NDUFB11: variants seen among roughly 807,000 people sequenced by gnomAD.
NDUFB11 encodes NADH:ubiquinone oxidoreductase subunit B11, also known as NADH dehydrogenase [ubiquinone] 1 beta subcomplex subunit 11, mitochondrial.
For synonymous variants in NDUFB11, 51 were observed against 57.4 expected (o/e 0.89, Z 0.51); for missense variants, 108 against 133.8 (o/e 0.81, Z 0.95).
At chrX:47,145,103 AG>A (rs1468207261), upstream of NDUFB11, 2 of 331,476 alleles carry the variant, frequency 6.0e-6, no homozygotes, top group Non-Finnish European at 1.1e-5. Flanking sequence ...TTTCTCCACT[AG>A]GGGAGCGTTC....
chrX:47,145,230 A>G (rs1556761488), upstream of NDUFB11: 2 of 456,405 alleles, frequency 4.4e-6, no homozygotes, highest in East Asian at 7.5e-5. Flanking sequence ...TAGTAGGTGG[A>G]TGGTGGTCGG....
At chrX:47,145,357 C>G (rs782231263), upstream of NDUFB11, 1 of 982,183 alleles carries the variant, frequency 1.0e-6, no homozygotes, top group South Asian at 2.0e-5. Flanking sequence ...CCCCTCCCCC[C>G]GATCTGCCTC....
chrX:47,144,911 G>T (rs782567288), upstream of NDUFB11: 2 of 360,091 alleles, frequency 5.6e-6, no homozygotes, highest in Non-Finnish European at 9.7e-6. Flanking sequence ...TTATTGATGG[G>T]TCTGCTCATT....
At position 47,142,611 on chromosome X, in the gene NDUFB11, C is replaced by T. The variant is rs782735557; in HGVS notation, c.338+3G>A. ...ATCCCACGCTCTTGGACACCCTGTG[C>T]ACCTGTAGTCAGGCAGATAGGCCAC... On this transcript the variant is annotated splice_donor_region_variant and intron_variant, in intron 2 of 2. Transcript: ENST00000377811. 3 of 1,210,101 alleles carry T rather than the reference C, an allele frequency of 2.5e-6. No individual in the cohort carries two copies. In the East Asian group the frequency reaches 8.9e-5, roughly 36 times the overall value.
chrX:47,144,438 T>TGCCCCCTGCCCCCCCC, intron 1 of NDUFB11, 35 bp downstream of exon 1: 1 of 405,713 alleles, frequency 2.5e-6, no homozygotes, highest in Admixed American at 7.5e-5. Context: ...CGGGGTTCCG[T>TGCCCCCTGCCCCCCCC]CCCCACTACC....
At chrX:47,144,789 G>T, upstream of NDUFB11, 1 of 728,148 alleles carries the variant, frequency 1.4e-6, no homozygotes, top group Non-Finnish European at 1.9e-6. Context: ...CGCTATATAG[G>T]TCCCAGATCT....
upstream of NDUFB11, chrX:47,145,222 G>A (rs1932000890): frequency 2.2e-6 from 1 of 448,825 alleles, no homozygotes; most frequent in African/African-American, 2.4e-5. Context: ...CGCTTCCTTA[G>A]TAGGTGGATG....
rs144343841 is a variant in NDUFB11 at position 47,142,711 on chromosome X, C to T, written c.241G>A (p.Val81Ile). ...AGTCGCATGTTCCAGACGTCCAAAACGGGGTCCTTGTCATAACCATGGGAG... is the reference window on the plus strand; with the variant it reads ...AGTCGCATGTTCCAGACGTCCAAAATGGGGTCCTTGTCATAACCATGGGAG... ...PDSHGYDKDP[V>I]LDVWNMRLVF... The change falls in exon 2 of 3, where the codon GTT becomes ATT. Residue 81 changes from valine to isoleucine, a missense_variant. Transcript: ENST00000377811. 20 of 1,210,048 alleles carry T rather than the reference C, an allele frequency of 1.7e-5. No homozygotes were observed. The African/African-American group carries it at 1.7e-4, about 11-fold the overall frequency.
At chrX:47,142,778 G>A (rs782782787) in intron 1 of NDUFB11, 34 bp from the exon 2 acceptor site, 1 of 1,190,004 alleles carries the variant, frequency 8.4e-7, no homozygotes, top group African/African-American at 1.7e-5. Flanking sequence ...AGGGCTTCCT[G>A]CTGCTCCACA....
rs200655969 is a variant in NDUFB11 at position 47,142,287 on chromosome X, G to A, written c.*30C>T. ...ATGGCAGGCAGGGGGTGGGGAAGGC[G>A]GTGCTTCTTGAGCCCCACTTAGCAA... On this transcript the variant is annotated 3_prime_UTR_variant, in exon 3 of 3. Transcript: ENST00000377811. The A allele has an allele frequency of 4.4e-5, 52 of 1,195,279 alleles. No individual in the cohort carries two copies. Among genetic ancestry groups the A allele is most frequent in the Middle Eastern group, 2.5e-4 (1 of 4,011 alleles).
upstream of NDUFB11, chrX:47,145,336 T>C: frequency 1.2e-6 from 1 of 854,358 alleles, no homozygotes; most frequent in Non-Finnish European, 1.7e-6. Flanking sequence ...GGCAGCGCGC[T>C]TGGCGCTTCT....
chrX:47,144,891 G>A (rs1268084445), upstream of NDUFB11: 3 of 378,396 alleles, frequency 7.9e-6, no homozygotes, highest in East Asian at 8.4e-5. Flanking sequence ...CGGCCAGGCT[G>A]AGAAATTTCT....
chrX:47,145,425 G>A, upstream of NDUFB11: 1 of 1,153,874 alleles, frequency 8.7e-7, no homozygotes, highest in Non-Finnish European at 1.1e-6. Context: ...AGAGTTGGAG[G>A]AGGTGGCGGC....
At chrX:47,145,466 T>A, upstream of NDUFB11, 8 of 1,151,643 alleles carry the variant, frequency 6.9e-6, no homozygotes, top group Non-Finnish European at 9.2e-6. Flanking sequence ...AGCCCTTCCT[T>A]GACAGCCCGG....
chrX:47,142,287 G>T lies in NDUFB11; in HGVS notation c.*30C>A. 8.4e-7 allele frequency: 1 copy of T among 1,197,258 alleles called. No individual in the cohort carries two copies. On this transcript the variant is annotated 3_prime_UTR_variant, in exon 3 of 3. Coordinates refer to ENST00000377811, the MANE Select transcript of NDUFB11 (RefSeq NM_001135998.3). ...ATGGCAGGCAGGGGGTGGGGAAGGC[G>T]GTGCTTCTTGAGCCCCACTTAGCAA...
intron 2 of NDUFB11, 42 bp from the exon 3 acceptor site, chrX:47,142,482 A>G (rs1931809546): frequency 8.3e-7 from 1 of 1,207,701 alleles, no homozygotes; most frequent in African/African-American, 1.7e-5. Context: ...GGGAGCCTCA[A>G]CTGATACCAA....
chrX:47,143,879 A>C (rs1931865386), intron 1 of NDUFB11, among the ~76,000 whole-genome samples: 1 of 112,202 alleles, frequency 8.9e-6, no homozygotes. Context: ...AGCTAGGGCA[A>C]TCCACTTAAC....
chrX:47,145,431 G>A (rs1932024132), upstream of NDUFB11: 2 of 1,154,291 alleles, frequency 1.7e-6, no homozygotes, highest in East Asian at 6.5e-5. Flanking sequence ...GGAGGAGGTG[G>A]CGGCGGGCAG....
At chrX:47,145,434 G>A, upstream of NDUFB11, 2 of 1,154,431 alleles carry the variant, frequency 1.7e-6, no homozygotes, top group Non-Finnish European at 2.3e-6. Flanking sequence ...GGAGGTGGCG[G>A]CGGGCAGAGG....
Sources: gnomAD v4.1 joint callset for allele counts (sites outside exome capture counted in the v4.1 genomes callset) on GRCh38, gnomAD v4.1.1 for gene constraint, MANE v1.5 for transcripts, NCBI Gene and HGNC (gene_info 2026-07-23, HGNC 2026-07-21) for gene names.